Variants in LEPR observed in about 807,000 individuals in gnomAD.
LEPR encodes the protein leptin receptor.
In LEPR, 56 loss-of-function variants were observed where a neutral mutation model predicts 114.7. The ratio of observed to expected loss-of-function variants is 0.49; its 90% CI spans 0.39 to 0.61. The LOEUF (loss-of-function observed/expected upper bound fraction) is 0.61. Ranked by LOEUF, LEPR falls within the 20% of genes least tolerant of loss-of-function variation. The pLI, the probability that LEPR is intolerant of heterozygous loss-of-function variation, is 0.00. For missense variants in LEPR, 1,202 were observed against 1,352.9 expected (o/e 0.89, Z 1.75); for synonymous variants, 443 against 461.4 (o/e 0.96, Z 0.51).
At position 65,436,618 on chromosome 1, in the gene LEPR, CATTT is replaced by C. The variant is rs529688604; in HGVS notation, c.-21+11245_-21+11248del. On this transcript the variant is annotated intron_variant, in intron 2 of 19. Transcript: ENST00000349533. ...AAATTAATAGATGACCATTTTGAAACATTTATTTGTGGTCAATACGAGGCACATA... is the reference window on the plus strand; with the variant it reads ...AAATTAATAGATGACCATTTTGAAACATTTGTGGTCAATACGAGGCACATA... Among the ~76,000 whole-genome samples, 485 of 152,200 alleles carry C rather than the reference CATTT, an allele frequency of 3.2e-3. 1 individual carries two copies. The highest frequency in any genetic ancestry group is 0.011 in the African/African-American group (452 of 41,530).
At chr1:65,432,375 G>C (rs1646498130) in intron 2 of LEPR, 1 of 955,302 alleles carries the variant, frequency 1.0e-6, no homozygotes, top group Admixed American at 6.1e-5. Context: ...ACATTTCCTA[G>C]AGCCTTATTA....
chr1:65,456,293 A>G (rs1380572226), intron 2 of LEPR, among the ~76,000 whole-genome samples: 1 of 152,006 alleles, frequency 6.6e-6, no homozygotes, highest in East Asian at 1.9e-4. Context: ...CTATTCGGCC[A>G]TCTTGGCTCC....
intron 2 of LEPR, among the ~76,000 whole-genome samples, chr1:65,549,071 T>G (rs1652046031): frequency 6.6e-6 from 1 of 151,630 alleles, no homozygotes; most frequent in Admixed American, 6.6e-5. Flanking sequence ...CTTATGAAGC[T>G]TAGTTTGGCT....
rs770487822 is a variant in LEPR, at chr1:65,601,970, A to AT, written c.1403+15dup. On this transcript the variant is annotated intron_variant, in intron 10 of 19. Coordinates refer to ENST00000349533, the MANE Select transcript of LEPR (RefSeq NM_002303.6). ...AATTGAGGTATCATAGGTACGTATT[A>AT]TTTTTGCTGTTTTGTTTTTCTGTGG... The AT allele has an allele frequency of 6.2e-7, 1 of 1,609,064 alleles. No individual in the cohort carries two copies. Among genetic ancestry groups the AT allele is most frequent in the Non-Finnish European group, 8.5e-7 (1 of 1,175,562 alleles).
chr1:65,552,674 G>T (rs1652490016), intron 2 of LEPR, among the ~76,000 whole-genome samples: 1 of 152,088 alleles, frequency 6.6e-6, no homozygotes, highest in Admixed American at 6.5e-5. Context: ...TTTCCAATTT[G>T]GCAGTCTGTG....
At chr1:65,593,023 A>G (rs1486080082) in intron 6 of LEPR, among the ~76,000 whole-genome samples, 158 bp downstream of exon 6, 1 of 152,110 alleles carries the variant, frequency 6.6e-6, no homozygotes, top group African/African-American at 2.4e-5. Context: ...GGCTTCTAGA[A>G]TGATTTAACA....
intron 2 of LEPR, among the ~76,000 whole-genome samples, chr1:65,486,941 C>G (rs1647516733): frequency 6.6e-6 from 1 of 152,122 alleles, no homozygotes; most frequent in Non-Finnish European, 1.5e-5. Context: ...GACAGAAAAA[C>G]AGAGAAACAC....
At chr1:65,564,546 G>A (rs1182280746) in intron 2 of LEPR, among the ~76,000 whole-genome samples, 1 of 91,826 alleles carries the variant, frequency 1.1e-5, no homozygotes, top group African/African-American at 4.5e-5. Flanking sequence ...GTAGACCGGA[G>A]CTGTTCCTAT....
intron 1 of LEPR, chr1:65,421,500 C>T: frequency 6.5e-7 from 1 of 1,535,076 alleles, no homozygotes; most frequent in Non-Finnish European, 8.7e-7. Context: ...AATAGAGTAG[C>T]ATGACTTGTT....
intron 2 of LEPR, among the ~76,000 whole-genome samples, chr1:65,431,186 G>A (rs1479473475): frequency 1.3e-5 from 2 of 152,124 alleles, no homozygotes; most frequent in African/African-American, 4.8e-5. Flanking sequence ...CTTCTTAAGC[G>A]CTGCAGTAAA....
chr1:65,494,753 T>C (rs1225560179), intron 2 of LEPR, among the ~76,000 whole-genome samples: 1 of 152,160 alleles, frequency 6.6e-6, no homozygotes, highest in Non-Finnish European at 1.5e-5. Context: ...TCCATTCCCT[T>C]ATTGCTAATC....
chr1:65,488,213 T>C (rs1647645620), intron 2 of LEPR, among the ~76,000 whole-genome samples: 1 of 34,468 alleles, frequency 2.9e-5, no homozygotes, highest in Non-Finnish European at 5.3e-5. Context: ...TCTTTCTTTC[T>C]CTCTCTCTCT....
intron 2 of LEPR, among the ~76,000 whole-genome samples, chr1:65,473,955 C>G (rs114742721): frequency 6.6e-6 from 1 of 152,124 alleles, no homozygotes; most frequent in Non-Finnish European, 1.5e-5. Flanking sequence ...TCTTGGTTCT[C>G]TCATTAAATA....
chr1:65,553,377 C>T (rs937118440), intron 2 of LEPR, among the ~76,000 whole-genome samples: 3 of 152,132 alleles, frequency 2.0e-5, no homozygotes, highest in Non-Finnish European at 4.4e-5. Context: ...TTGGTCTTTT[C>T]ACATAGTCCC....
intron 2 of LEPR, among the ~76,000 whole-genome samples, chr1:65,442,167 T>TAA (rs200478932): frequency 6.6e-6 from 1 of 152,070 alleles, no homozygotes; most frequent in African/African-American, 2.4e-5. Context: ...AAGCCCTTTT[T>TAA]AAAAAAATAA....
chr1:65,454,230 G>A (rs983367351), intron 2 of LEPR, among the ~76,000 whole-genome samples: 8 of 152,210 alleles, frequency 5.3e-5, no homozygotes, highest in South Asian at 2.1e-4. Context: ...TCTTGACTCC[G>A]TATCCAATTT....
chr1:65,455,943 G>C (rs559487759), intron 2 of LEPR, among the ~76,000 whole-genome samples: 4 of 152,270 alleles, frequency 2.6e-5, no homozygotes, highest in African/African-American at 4.8e-5. Context: ...GACTCCGTGG[G>C]CATAGGACCC....
intron 2 of LEPR, among the ~76,000 whole-genome samples, chr1:65,533,008 C>G (rs1332493969): frequency 6.6e-6 from 1 of 151,940 alleles, no homozygotes; most frequent in African/African-American, 2.4e-5. Flanking sequence ...ACCAATAAAA[C>G]TGATATTTTA....
rs777706498 is a variant in LEPR, at chr1:65,636,672, C to T, written c.3155C>T (p.Thr1052Ile). 1 of 1,609,718 alleles carries T rather than the reference C, an allele frequency of 6.2e-7. No individual in the cohort carries two copies. Among genetic ancestry groups the T allele is most frequent in the Non-Finnish European group, 8.5e-7 (1 of 1,177,460 alleles). ...CCCAACATAATTTCACCACACCTCA[C>T]ATTCTCAGAAGGATTGGATGAACTT... ...QHPNIISPHL[T>I]FSEGLDELLK... Residue 1052 changes from threonine to isoleucine, a missense_variant, in exon 20 of 20, where the codon ACA (threonine) becomes ATA (isoleucine). Transcript: ENST00000349533.
Sources: gnomAD v4.1 joint callset for allele counts (sites outside exome capture counted in the v4.1 genomes callset) on GRCh38, gnomAD v4.1.1 for gene constraint, MANE v1.5 for transcripts, NCBI Gene and HGNC (gene_info 2026-07-23, HGNC 2026-07-21) for gene names.